MEGF11: variants seen among roughly 807,000 people sequenced by gnomAD.
MEGF11 encodes multiple epidermal growth factor-like domains protein 11.
A neutral mutation model predicts 146.6 loss-of-function variants in MEGF11; 126 were observed. The observed-to-expected ratio is 0.86, with a 90% CI of 0.74 to 1.00. The LOEUF is 1.00. Among genes scored for constraint, MEGF11 ranks in the 50% least tolerant of loss-of-function variants. The pLI is 0.00. For missense variants in MEGF11, 1,509 were observed against 1,521.2 expected, an observed-to-expected ratio of 0.99 and a Z score of 0.13; for synonymous variants, 532 against 583.4, an observed-to-expected ratio of 0.91 and a Z score of 1.27.
rs766768787 is a variant in MEGF11, at chr15:65,970,666, G to C, written c.786C>G (p.Cys262Trp). The change falls in exon 8 of 26, where the codon TGC (cysteine) becomes TGG (tryptophan). Residue 262 changes from cysteine to tryptophan, a missense_variant. Physicochemically the swap from Cys to Trp is radical, Grantham distance 215 (BLOSUM62 -2). Transcript: ENST00000395614. Reference sequence around the variant, plus strand: ...AGTTCTGGCCAAATGTCCCTGGTGGGCAGGGCTGGGCACACACTGCTCCCT... The same window carrying C: ...AGTTCTGGCCAAATGTCCCTGGTGGCCAGGGCTGGGCACACACTGCTCCCT... ...GWTGAVCAQPCPPGTFGQNCS... is the reference protein window; with the variant it reads ...GWTGAVCAQPWPPGTFGQNCS... The C allele has an allele frequency of 1.2e-6, 2 of 1,612,148 alleles. No homozygotes were observed.
At chr15:66,115,451 G>A (rs1270803816) in intron 4 of MEGF11, among the ~76,000 whole-genome samples, 1 of 152,228 alleles carries the variant, frequency 6.6e-6, no homozygotes, top group African/African-American at 2.4e-5. Context: ...GGGCCAGTTG[G>A]TGCCCCCTCC....
chr15:65,939,464 G>A (rs532074848), intron 10 of MEGF11, among the ~76,000 whole-genome samples: 1 of 151,556 alleles, frequency 6.6e-6, no homozygotes, highest in East Asian at 1.9e-4. Context: ...TAGACTAGAT[G>A]AGACCTAAGG....
At chr15:65,972,347 C>T (rs1424794873) in intron 7 of MEGF11, among the ~76,000 whole-genome samples, 1 of 152,150 alleles carries the variant, frequency 6.6e-6, no homozygotes, top group Non-Finnish European at 1.5e-5. Flanking sequence ...ACAAGACCCA[C>T]ATCAAGGCAT....
At chr15:66,124,858 T>C (rs1435651530) in intron 2 of MEGF11, among the ~76,000 whole-genome samples, 2 of 152,242 alleles carry the variant, frequency 1.3e-5, no homozygotes, top group Non-Finnish European at 2.9e-5. Flanking sequence ...GATGCTGAAG[T>C]GAGGACTCAT....
chr15:66,236,140 G>T (rs1248449207), intron 1 of MEGF11, among the ~76,000 whole-genome samples: 1 of 152,150 alleles, frequency 6.6e-6, no homozygotes, highest in Non-Finnish European at 1.5e-5. Context: ...GGTAGGAAGG[G>T]CTTTGCAGTC....
intron 4 of MEGF11, among the ~76,000 whole-genome samples, chr15:66,115,571 C>T (rs1402709178): frequency 6.6e-6 from 1 of 152,192 alleles, no homozygotes; most frequent in Non-Finnish European, 1.5e-5. Flanking sequence ...TGAGACACGC[C>T]CTTATTTGGA....
chr15:66,055,524 C>T (rs568562373), intron 5 of MEGF11, among the ~76,000 whole-genome samples: 4 of 152,294 alleles, frequency 2.6e-5, no homozygotes, highest in East Asian at 3.9e-4. Context: ...GTGTCAGAAT[C>T]GGGGGGACAG....
intron 1 of MEGF11, among the ~76,000 whole-genome samples, chr15:66,226,050 T>C (rs2091845377): frequency 6.6e-6 from 1 of 152,142 alleles, no homozygotes; most frequent in Non-Finnish European, 1.5e-5. Flanking sequence ...AGTTCATGAG[T>C]TTTGACTTGC....
intron 5 of MEGF11, among the ~76,000 whole-genome samples, chr15:66,042,862 T>C (rs2140304412): frequency 6.6e-6 from 1 of 152,320 alleles, no homozygotes; most frequent in Non-Finnish European, 1.5e-5. Context: ...TATGACCTCA[T>C]CTTAATTTAA....
intron 1 of MEGF11, 37 bp downstream of exon 1, chr15:66,253,568 G>A (rs1794742806): frequency 6.6e-6 from 1 of 151,528 alleles, no homozygotes; most frequent in Non-Finnish European, 1.5e-5. Flanking sequence ...CGGCGTCCGA[G>A]ACTCCGCGTC....
intron 1 of MEGF11, among the ~76,000 whole-genome samples, chr15:66,181,892 C>G (rs2090559587): frequency 6.6e-6 from 1 of 152,166 alleles, no homozygotes; most frequent in African/African-American, 2.4e-5. Context: ...TCTGTTTGCT[C>G]CTAAATGAGG....
chr15:66,020,341 G>T (rs556516272), intron 5 of MEGF11, among the ~76,000 whole-genome samples: 3 of 152,310 alleles, frequency 2.0e-5, no homozygotes, highest in Admixed American at 1.3e-4. Flanking sequence ...CTTGGGAAGA[G>T]AAGACTTCAG....
At chr15:66,231,280 G>T (rs181692411) in intron 1 of MEGF11, among the ~76,000 whole-genome samples, 9 of 152,042 alleles carry the variant, frequency 5.9e-5, no homozygotes, top group Admixed American at 1.3e-4. Flanking sequence ...CTGGCCAAGT[G>T]AAGTCTGCAT....
At chr15:66,013,802 G>A (rs2082789594) in intron 5 of MEGF11, among the ~76,000 whole-genome samples, 1 of 152,232 alleles carries the variant, frequency 6.6e-6, no homozygotes, top group Non-Finnish European at 1.5e-5. Flanking sequence ...TGGCAAAGGT[G>A]GGAAAGTATA....
At chr15:65,993,432 C>T (rs1017869465) in intron 5 of MEGF11, among the ~76,000 whole-genome samples, 1 of 152,340 alleles carries the variant, frequency 6.6e-6, no homozygotes, top group Non-Finnish European at 1.5e-5. Flanking sequence ...GCATCACTGC[C>T]TTTGAAGCTT....
At chr15:65,963,866 A>G (rs1383362861) in intron 9 of MEGF11, among the ~76,000 whole-genome samples, 1 of 152,178 alleles carries the variant, frequency 6.6e-6, no homozygotes, top group African/African-American at 2.4e-5. Context: ...GAGGCTCCAG[A>G]GTGATTTGTG....
intron 7 of MEGF11, among the ~76,000 whole-genome samples, chr15:65,978,087 C>G (rs2081510413): frequency 6.6e-6 from 1 of 152,244 alleles, no homozygotes; most frequent in Admixed American, 6.5e-5. Flanking sequence ...GGCCAGAGTT[C>G]CTAGCAGCTC....
At chr15:65,979,183 T>C (rs2081550986) in intron 7 of MEGF11, among the ~76,000 whole-genome samples, 1 of 152,130 alleles carries the variant, frequency 6.6e-6, no homozygotes, top group Non-Finnish European at 1.5e-5. Context: ...CAGGACTGGC[T>C]GCCTCAGAAC....
chr15:66,069,084 A>G (rs898922075), intron 5 of MEGF11, among the ~76,000 whole-genome samples: 3 of 152,226 alleles, frequency 2.0e-5, no homozygotes, highest in African/African-American at 7.2e-5. Flanking sequence ...CAGCTTCTGC[A>G]TCTGCAAAAT....
Sources: allele counts gnomAD v4.1 joint callset (sites outside exome capture counted in the v4.1 genomes callset), GRCh38; gene constraint gnomAD v4.1.1; transcripts MANE v1.5; gene names NCBI Gene and HGNC (gene_info 2026-07-23, HGNC 2026-07-21).